KIF25: variants seen among roughly 807,000 people sequenced by gnomAD.
The protein encoded by KIF25 is kinesin family member 25.
KIF25 carries 19 observed loss-of-function variants against 32.9 expected under a neutral mutation model. The observed-to-expected ratio is 0.58, with a 90% CI of 0.40 to 0.85. The LOEUF is 0.85. Among genes scored for constraint, KIF25 ranks in the 40% least tolerant of loss-of-function variants. KIF25 has a pLI of 0.00. For missense variants in KIF25, 485 were observed against 507.0 expected, an observed-to-expected ratio of 0.96 and a Z score of 0.42; for synonymous variants, 225 against 213.7, an observed-to-expected ratio of 1.05 and a Z score of -0.46.
intron 5 of KIF25, among the ~76,000 whole-genome samples, chr6:168,021,307 A>C (rs1445683179): frequency 6.6e-6 from 1 of 152,214 alleles, no homozygotes. Context: ...TTTCTATAAA[A>C]TATCTGTCCC....
intron 5 of KIF25, among the ~76,000 whole-genome samples, chr6:168,025,495 G>A (rs73042813): frequency 0.034 from 5,169 of 152,226 alleles, 102 homozygotes; most frequent in Non-Finnish European, 0.049. Flanking sequence ...CTTGCTGGAT[G>A]ATGGCTGAAC....
chr6:168,033,803 C>T, intron 7 of KIF25, 79 bp from the exon 8 acceptor site: 1 of 1,463,628 alleles, frequency 6.8e-7, no homozygotes, highest in Non-Finnish European at 9.4e-7. Context: ...TGAAGTTTCT[C>T]ATACAAGTGA....
At chr6:168,035,729 C>T in intron 8 of KIF25, 2 of 456,100 alleles carry the variant, frequency 4.4e-6, no homozygotes, top group South Asian at 1.5e-5. Flanking sequence ...GGGTGCTGTG[C>T]GTCTCCCTCC....
At chr6:168,000,973 T>C (rs1475917536) in intron 2 of KIF25, among the ~76,000 whole-genome samples, 2 of 152,252 alleles carry the variant, frequency 1.3e-5, no homozygotes, top group Non-Finnish European at 2.9e-5. Context: ...TTCTACAGTG[T>C]GAAACAAGAA....
chr6:168,028,274 T>A (rs1798892680), intron 5 of KIF25, among the ~76,000 whole-genome samples: 2 of 152,276 alleles, frequency 1.3e-5, no homozygotes, highest in East Asian at 3.9e-4. Context: ...GGTCTCAAAC[T>A]CTTGGGCTCA....
Position 168,004,768 on chromosome 6 carries a change from G to A in KIF25, c.-163+1065G>A, listed in dbSNP as rs187098751. Reference sequence around the variant, plus strand: ...ATAGGATCTTCACGACGAGGGTTCAGGGTTGCCTCAAACCCTCTAAGCACT... The same window carrying A: ...ATAGGATCTTCACGACGAGGGTTCAAGGTTGCCTCAAACCCTCTAAGCACT... On this transcript the variant is annotated intron_variant, in intron 4 of 12. Coordinates refer to ENST00000643607, the MANE Select transcript of KIF25 (RefSeq NM_030615.4). Among the ~76,000 whole-genome samples, 3 of 152,290 alleles carry A rather than the reference G, an allele frequency of 2.0e-5. No individual in the cohort carries two copies. The East Asian group carries it at 5.8e-4, about 29-fold the overall frequency.
chr6:168,034,019 A>T lies in KIF25; in HGVS notation c.305A>T (p.Glu102Val). 4.3e-6 allele frequency: 7 copies of T among 1,613,946 alleles called. No homozygotes were observed. The highest frequency in any genetic ancestry group is 5.9e-6 in the Non-Finnish European group (7 of 1,180,004). The change falls in exon 8 of 13, where the codon GAG (glutamate) becomes GTG (valine). Residue 102 changes from glutamate to valine, a missense_variant. Around this residue, in one of 2 missense-constraint regions of KIF25, gnomAD observed 480 missense variants for 470.3 expected, o/e 1.02. Coordinates refer to ENST00000643607, the MANE Select transcript of KIF25 (RefSeq NM_030615.4). ...SDLGIIPRVA[E>V]ELFRLILENT... is the part of the protein sequence containing the mutation. ...TTAGGAATTATCCCTAGAGTGGCTG[A>T]GGAGCTCTTCAGGTACTGCCGATGG...
At chr6:168,029,787 A>G in intron 6 of KIF25, 110 bp downstream of exon 6, 1 of 1,388,250 alleles carries the variant, frequency 7.2e-7, no homozygotes, top group South Asian at 1.4e-5. Context: ...GTATTTTCTG[A>G]GTGAAAAGTT....
At chr6:167,999,554 C>A (rs976665377) in intron 2 of KIF25, among the ~76,000 whole-genome samples, 13 of 152,208 alleles carry the variant, frequency 8.5e-5, no homozygotes, top group African/African-American at 3.1e-4. Context: ...GCCTCTCGTG[C>A]GTGGTAGTGG....
At position 168,040,046 on chromosome 6, in the gene KIF25, C is replaced by T; in HGVS notation, c.495-19C>T. On this transcript the variant is annotated intron_variant, in intron 9 of 12. Coordinates refer to ENST00000643607, the MANE Select transcript of KIF25 (RefSeq NM_030615.4). The stretch of plus-strand genomic sequence containing the variant: ...GGGGCCGCCCTCACTGTGTTCCCCA[C>T]TGCTTGCCTTGTCTGTAGGGCTGTC... The T allele has an allele frequency of 6.2e-7, 1 of 1,604,824 alleles. No individual in the cohort carries two copies. The highest frequency in any genetic ancestry group is 8.5e-7 in the Non-Finnish European group (1 of 1,174,410).
chr6:168,042,693 C>T lies in KIF25; in HGVS notation c.962C>T (p.Thr321Ile). ...GCCCCGTACCGGAACAGCAGGCTCA[C>T]CCACCTCCTTCAGGACTGCCTCGGT... ...GHAPYRNSRL[T>I]HLLQDCLGGD... The change falls in exon 12 of 13, where the codon ACC (threonine) becomes ATC (isoleucine). Residue 321 changes from threonine (T) to isoleucine (I), a missense_variant. Physicochemically the swap from Thr to Ile is moderately conservative, Grantham distance 89. Around this residue, in one of 2 missense-constraint regions of KIF25, gnomAD observed 480 missense variants for 470.3 expected, o/e 1.02. Coordinates refer to ENST00000643607, the MANE Select transcript of KIF25 (RefSeq NM_030615.4). 7 of 1,612,728 alleles carry T rather than the reference C, an allele frequency of 4.3e-6. No individual in the cohort carries two copies. Among genetic ancestry groups the T allele is most frequent in the Non-Finnish European group, 5.1e-6 (6 of 1,179,908 alleles).
chr6:168,034,794 G>A (rs1798992787), intron 8 of KIF25, among the ~76,000 whole-genome samples: 1 of 152,128 alleles, frequency 6.6e-6, no homozygotes, highest in Non-Finnish European at 1.5e-5. Context: ...GCACATTCTC[G>A]AAAGAGACCC....
intron 5 of KIF25, among the ~76,000 whole-genome samples, chr6:168,021,789 A>T (rs141205475): frequency 9.1e-4 from 139 of 152,264 alleles, no homozygotes; most frequent in Non-Finnish European, 1.5e-3. Flanking sequence ...TAGGGAAGGG[A>T]TGTTCTTTGC....
chr6:168,037,872 C>T (rs777573035), intron 8 of KIF25, among the ~76,000 whole-genome samples: 16 of 152,264 alleles, frequency 1.1e-4, no homozygotes, highest in East Asian at 7.7e-4. Flanking sequence ...TGCACCACCA[C>T]GCCCAGCTAA....
At chr6:168,018,793 C>T (rs889274670) in intron 5 of KIF25, among the ~76,000 whole-genome samples, 4 of 152,210 alleles carry the variant, frequency 2.6e-5, no homozygotes, top group Admixed American at 6.5e-5. Context: ...CTCGGAAGGA[C>T]GTCAGTGCCT....
intron 8 of KIF25, among the ~76,000 whole-genome samples, chr6:168,036,397 G>A (rs1168238634): frequency 1.3e-5 from 2 of 152,234 alleles, no homozygotes; most frequent in Non-Finnish European, 2.9e-5. Context: ...CAGAGACAAA[G>A]CCTGGCCCCG....
intron 6 of KIF25, 125 bp downstream of exon 6, chr6:168,029,802 A>C: frequency 8.0e-7 from 1 of 1,249,400 alleles, no homozygotes. Flanking sequence ...AAAGTTAAAA[A>C]AGATCTCAGC....
chr6:168,042,585 C>T lies in KIF25; in HGVS notation c.854C>T (p.Ala285Val). ...CVGVSGVTGL[A>V]LREMACISRS... is the part of the protein sequence containing the mutation. ...GGTGTGTCTGGAGTGACCGGGTTGGCCCTGAGGGAGATGGCGTGCATCAGC... is the reference window on the plus strand; with the variant it reads ...GGTGTGTCTGGAGTGACCGGGTTGGTCCTGAGGGAGATGGCGTGCATCAGC... Residue 285 changes from alanine to valine, a missense_variant, in exon 12 of 13, where the codon GCC becomes GTC. Ala to Val is a moderately conservative substitution (Grantham distance 64). Around this residue, in one of 2 missense-constraint regions of KIF25, gnomAD observed 480 missense variants for 470.3 expected, o/e 1.02. Coordinates refer to ENST00000643607, the MANE Select transcript of KIF25 (RefSeq NM_030615.4). 1 of 1,613,860 alleles carries T rather than the reference C, an allele frequency of 6.2e-7. No homozygotes were observed. Among genetic ancestry groups the T allele is most frequent in the Non-Finnish European group, 8.5e-7 (1 of 1,179,942 alleles).
chr6:168,044,285 G>T (rs2427643), intron 12 of KIF25, among the ~76,000 whole-genome samples: 1 of 133,764 alleles, frequency 7.5e-6, no homozygotes, highest in South Asian at 2.5e-4. Flanking sequence ...TGACCCTCCC[G>T]GACCCAGGTG....
Sources: gnomAD v4.1 joint callset for allele counts (sites outside exome capture counted in the v4.1 genomes callset) on GRCh38, gnomAD v4.1.1 for gene constraint, gnomAD v4.1.1 regional missense constraint, MANE v1.5 for transcripts, NCBI Gene and HGNC (gene_info 2026-07-23, HGNC 2026-07-21) for gene names.